The following ACBD6 variants were observed in gnomAD, a reference collection of about 807,000 sequenced individuals.
The protein encoded by ACBD6 is acyl-CoA binding domain containing 6, also known as acyl-CoA-binding domain-containing protein 6.
In ACBD6, 28 loss-of-function variants were observed where a neutral mutation model predicts 37.2. The ratio of observed to expected loss-of-function variants is 0.75; its 90% CI spans 0.56 to 1.03. The LOEUF is 1.03. Ranked by LOEUF, ACBD6 falls within the 50% of genes least tolerant of loss-of-function variation. ACBD6 has a pLI of 0.00. For synonymous variants in ACBD6, 113 were observed against 126.8 expected, an observed-to-expected ratio of 0.89 and a Z score of 0.73; for missense variants, 340 against 337.4, an observed-to-expected ratio of 1.01 and a Z score of -0.06.
rs546207922 is a variant in ACBD6 at position 180,288,483 on chromosome 1, C to A, written c.729G>T (p.Leu243=). 1.2e-6 allele frequency: 2 copies of A among 1,613,656 alleles called. No individual in the cohort carries two copies. The highest frequency in any genetic ancestry group is 2.2e-5 in the South Asian group (2 of 91,038). The change falls in exon 8 of 8, where the codon CTG becomes CTT. Residue 243 remains leucine, a synonymous_variant. Coordinates refer to ENST00000367595, the MANE Select transcript of ACBD6 (RefSeq NM_032360.4). ...TGGGGTCAGCACCAGACTGGAGCAG[C>A]AGCTCTACAATATCCAGAAACTCAC... ...SACEFLDIVE[L]LLQSGADPTL...
chr1:180,471,349 A>T (rs1045007217), intron 3 of ACBD6, among the ~76,000 whole-genome samples: 16 of 151,488 alleles, frequency 1.1e-4, no homozygotes, highest in African/African-American at 3.9e-4. Flanking sequence ...CTGCAATGAG[A>T]CATCATTGTG....
At chr1:180,379,307 T>C (rs1225993584) in intron 6 of ACBD6, among the ~76,000 whole-genome samples, 1 of 152,150 alleles carries the variant, frequency 6.6e-6, no homozygotes, top group Non-Finnish European at 1.5e-5. Context: ...TCACAACAGA[T>C]TGCAGGTATC....
chr1:180,341,666 T>C (rs1051859777), intron 6 of ACBD6, among the ~76,000 whole-genome samples: 2 of 152,182 alleles, frequency 1.3e-5, no homozygotes, highest in Admixed American at 6.5e-5. Context: ...TTGAACCCAC[T>C]TGAATCAGAT....
At chr1:180,455,212 T>TC (rs1017948021) in intron 3 of ACBD6, among the ~76,000 whole-genome samples, 2 of 152,202 alleles carry the variant, frequency 1.3e-5, no homozygotes, top group African/African-American at 4.8e-5. Context: ...TGAGTTCATG[T>TC]CCTTTACAGG....
At chr1:180,282,960 A>G (rs961396390) in intron 8 of ACBD6, among the ~76,000 whole-genome samples, 1 of 143,056 alleles carries the variant, frequency 7.0e-6, no homozygotes, top group South Asian at 2.2e-4. Context: ...AAACAATAAT[A>G]TATGTCTTTC....
intron 6 of ACBD6, among the ~76,000 whole-genome samples, chr1:180,362,003 T>G (rs1652872961): frequency 6.6e-6 from 1 of 152,150 alleles, no homozygotes; most frequent in South Asian, 2.1e-4. Context: ...TGAGAATCTA[T>G]TCTGAGATAG....
At chr1:180,271,696 G>A in exon 14 of ACBD6, 1 of 1,280,816 alleles carries the variant, frequency 7.8e-7, no homozygotes, top group Non-Finnish European at 1.1e-6. Flanking sequence ...CTGGGGAGAG[G>A]GGGTGGGGCG....
At chr1:180,304,917 G>A (rs1392734747) in intron 7 of ACBD6, among the ~76,000 whole-genome samples, 1 of 151,946 alleles carries the variant, frequency 6.6e-6, no homozygotes, top group Non-Finnish European at 1.5e-5. Flanking sequence ...ATAGACCAAT[G>A]GTACAGAACA....
At chr1:180,364,127 A>G (rs937380961) in intron 6 of ACBD6, among the ~76,000 whole-genome samples, 4 of 152,228 alleles carry the variant, frequency 2.6e-5, no homozygotes, top group Admixed American at 6.5e-5. Flanking sequence ...AAGAAACTCT[A>G]TAACTTGTCT....
intron 3 of ACBD6, among the ~76,000 whole-genome samples, chr1:180,466,829 A>C (rs903131316): frequency 6.6e-6 from 1 of 152,124 alleles, no homozygotes; most frequent in Non-Finnish European, 1.5e-5. Flanking sequence ...TAACAACAGC[A>C]CCTACCTCAA....
At chr1:180,459,795 T>C (rs1200562636) in intron 3 of ACBD6, among the ~76,000 whole-genome samples, 1 of 152,086 alleles carries the variant, frequency 6.6e-6, no homozygotes, top group East Asian at 1.9e-4. Flanking sequence ...TCCAGATATA[T>C]ACTCTTAAAT....
chr1:180,353,535 G>A (rs1207181266), intron 6 of ACBD6, among the ~76,000 whole-genome samples: 1 of 151,850 alleles, frequency 6.6e-6, no homozygotes, highest in Non-Finnish European at 1.5e-5. Context: ...ATTTTGCTAG[G>A]CTGCAAAAGA....
intron 6 of ACBD6, among the ~76,000 whole-genome samples, chr1:180,370,451 T>C (rs1201556531): frequency 6.6e-6 from 1 of 152,124 alleles, no homozygotes; most frequent in Non-Finnish European, 1.5e-5. Context: ...AAGAGACCAC[T>C]AGGAATATTG....
chr1:180,336,744 T>A (rs1432281943), intron 6 of ACBD6, among the ~76,000 whole-genome samples: 1 of 151,250 alleles, frequency 6.6e-6, no homozygotes, highest in Non-Finnish European at 1.5e-5. Flanking sequence ...TGAAAAAAAA[T>A]TGATAGACTG....
At chr1:180,336,735 G>GA (rs998065577) in intron 6 of ACBD6, among the ~76,000 whole-genome samples, 21 of 150,062 alleles carry the variant, frequency 1.4e-4, no homozygotes, top group Non-Finnish European at 7.4e-5. Flanking sequence ...CTGGTTTTTT[G>GA]AAAAAAAATT....
intron 13 of ACBD6, among the ~76,000 whole-genome samples, chr1:180,272,166 G>A (rs1450870004): frequency 6.6e-6 from 1 of 152,084 alleles, no homozygotes; most frequent in African/African-American, 2.4e-5. Context: ...GGAAATGGTA[G>A]TGGCCCTTTA....
intron 9 of ACBD6, among the ~76,000 whole-genome samples, chr1:180,279,344 T>A (rs1649235803): frequency 6.6e-6 from 1 of 152,220 alleles, no homozygotes; most frequent in South Asian, 2.1e-4. Context: ...TTGCCCAGGC[T>A]GGAGTGCAGT....
rs1553291891 is a variant in ACBD6, at chr1:180,318,168, C to CCA, written c.664-3447_664-3446insTG. Among the ~76,000 whole-genome samples the CCA allele has an allele frequency of 6.5e-3, 545 of 84,348 alleles. 32 individuals are homozygous for CCA. Among genetic ancestry groups the CCA allele is most frequent in the Non-Finnish European group, 9.2e-3 (412 of 44,694 alleles). 55.3% of individuals were successfully genotyped at this position (84,348 alleles called of 152,430 possible). A position where few individuals can be genotyped will look rare whatever the true frequency, so the allele number is the denominator to read the frequency against. On this transcript the variant is annotated intron_variant, in intron 6 of 7. Transcript: ENST00000367595. ...CAGAGTAAGATTCCATCTCCGCCCC[C>CCA]CCCCCCCAAAAAAAAAAGAAAGAAA...
chr1:180,458,414 A>T (rs975267285), intron 3 of ACBD6, among the ~76,000 whole-genome samples: 2 of 152,230 alleles, frequency 1.3e-5, no homozygotes, highest in Admixed American at 1.3e-4. Flanking sequence ...ACCTGCTACC[A>T]AGACATTCAG....
Sources: gnomAD v4.1 joint callset for allele counts (sites outside exome capture counted in the v4.1 genomes callset) on GRCh38, gnomAD v4.1.1 for gene constraint, MANE v1.5 for transcripts, NCBI Gene and HGNC (gene_info 2026-07-23, HGNC 2026-07-21) for gene names.